RARA: variants seen among roughly 807,000 people sequenced by gnomAD.
The protein encoded by RARA is PML-DDX5-RARA fusion.
In RARA, 5 loss-of-function variants were observed where a neutral mutation model predicts 42.8. The ratio of observed to expected loss-of-function variants is 0.12; its 90% CI spans 0.06 to 0.25. The LOEUF is 0.25. Ranked by LOEUF, RARA falls within the 10% of genes least tolerant of loss-of-function variation. The probability of loss-of-function intolerance (pLI) is 1.00; values close to 1 mark genes in which losing one functional copy is unlikely to be tolerated. For synonymous variants in RARA, 256 were observed against 259.5 expected (o/e 0.99, Z 0.13); for missense variants, 402 against 628.7 (o/e 0.64, Z 3.86).
At position 40,356,611 on chromosome 17, in the gene RARA, C is replaced by T. The variant is rs1036098452; in HGVS notation, c.*385C>T. 2 of 554,198 alleles carry T rather than the reference C, an allele frequency of 3.6e-6. No individual in the cohort carries two copies. Among genetic ancestry groups the T allele is most frequent in the East Asian group, 3.8e-5 (1 of 26,374 alleles). 34.3% of individuals were successfully genotyped at this position (554,198 alleles called of 1,614,324 possible). A position where few individuals can be genotyped will look rare whatever the true frequency, so the allele number is the denominator to read the frequency against. The stretch of plus-strand genomic sequence containing the variant: ...TCCTCAGAACTCACAAGCCATTGCT[C>T]CCCAGCTGGGGAACCTCAACCTCCC... On this transcript the variant is annotated 3_prime_UTR_variant, in exon 9 of 9. Transcript: ENST00000254066.
chr17:40,355,958 G>A lies in RARA; in HGVS notation c.1172-51G>A, dbSNP rs781580390. ...TCGAGCCAGGCTTGCTGGGGCTGGG[G>A]GTGGGAGGGCTGGCCCAGCGTGCTG... On this transcript the variant is annotated intron_variant, in intron 8 of 8. Coordinates refer to ENST00000254066, the MANE Select transcript of RARA (RefSeq NM_000964.4). This position sits in a 1 kb window ranked among gnomAD's most constrained non-coding sequence, Gnocchi z 4.1. The A allele has an allele frequency of 6.7e-7, 1 of 1,500,236 alleles. No individual in the cohort carries two copies. Among genetic ancestry groups the A allele is most frequent in the Non-Finnish European group, 9.0e-7 (1 of 1,107,932 alleles). 92.9% of individuals were successfully genotyped at this position (1,500,236 alleles called of 1,614,324 possible).
At chr17:40,325,086 A>T (rs2033499028) in intron 1 of RARA, among the ~76,000 whole-genome samples, 1 of 151,740 alleles carries the variant, frequency 6.6e-6, no homozygotes, top group Non-Finnish European at 1.5e-5. Flanking sequence ...CCCCATCTCT[A>T]CTAAAAATAC....
chr17:40,325,440 G>C (rs1407502291), intron 1 of RARA, among the ~76,000 whole-genome samples: 1 of 152,132 alleles, frequency 6.6e-6, no homozygotes, highest in South Asian at 2.1e-4. Context: ...TTGAAAAAGC[G>C]GGGAGTAGTC....
In RARA at chr17:40,351,744, C is replaced by CTGGA. The variant is rs1011346469; in HGVS notation, c.470-165_470-162dup. On this transcript the variant is annotated intron_variant, in intron 4 of 8. Transcript: ENST00000254066. This position sits in a 1 kb window ranked among gnomAD's most constrained non-coding sequence, Gnocchi z 4.1. ...GTGTGGGTTGGGTGGGCATGGAGGG[C>CTGGA]TGGAGTGCGTGGCAATGCCTTGCCT... Among the ~76,000 whole-genome samples the CTGGA allele has an allele frequency of 6.6e-6, 1 of 152,076 alleles. No individual in the cohort carries two copies. The highest frequency in any genetic ancestry group is 1.5e-5 in the Non-Finnish European group (1 of 68,004).
Position 40,319,562 on chromosome 17 carries a change from C to T in RARA, c.-363+10276C>T, listed in dbSNP as rs904332075. ...CCCCTGCTGCTTACCCCAAGGATCA[C>T]TTCTGCCCCTGACACTCCCCCTCCT... On this transcript the variant is annotated intron_variant, in intron 1 of 8. Transcript: ENST00000254066. 7.0e-5 allele frequency among the ~76,000 whole-genome samples: 10 copies of T among 142,934 alleles called. No individual in the cohort carries two copies. The Admixed American group carries it at 7.1e-4, about 10-fold the overall frequency. The allele number at this position is 142,934 out of a possible 152,430, so 93.8% of individuals were successfully genotyped here. A position where few individuals can be genotyped will look rare whatever the true frequency, so the allele number is the denominator to read the frequency against.
Position 40,351,148 on chromosome 17 carries a change from C to G in RARA, c.470-762C>G, listed in dbSNP as rs548647740. Among the ~76,000 whole-genome samples, 1 of 151,810 alleles carries G rather than the reference C, an allele frequency of 6.6e-6. No individual in the cohort carries two copies. Among genetic ancestry groups the G allele is most frequent in the South Asian group, 2.1e-4 (1 of 4,806 alleles). ...CCCACTCTCCCTCTCCCTCTCCCTT[C>G]TCTCCCCTGCACTTTATTGAATTTG... is the stretch of plus-strand genomic sequence containing the variant. On this transcript the variant is annotated intron_variant, in intron 4 of 8. Transcript: ENST00000254066. This position sits in a 1 kb window ranked among gnomAD's most constrained non-coding sequence, Gnocchi z 4.1.
chr17:40,351,619 T>G lies in RARA; in HGVS notation c.470-291T>G, dbSNP rs1330745347. On this transcript the variant is annotated intron_variant, in intron 4 of 8. Transcript: ENST00000254066. The surrounding 1 kb of genome is among the most constrained non-coding windows in gnomAD (Gnocchi z 4.1). Reference sequence around the variant, plus strand: ...CCGTCGCCTGGAGTGTGAGCTGGAGTAGACGCGTGGGGGATAGCATGCGGC... The same window carrying G: ...CCGTCGCCTGGAGTGTGAGCTGGAGGAGACGCGTGGGGGATAGCATGCGGC... 2.0e-6 allele frequency: 1 copy of G among 502,994 alleles called. No individual in the cohort carries two copies. Among genetic ancestry groups the G allele is most frequent in the Non-Finnish European group, 3.8e-6 (1 of 266,390 alleles). 31.2% of individuals were successfully genotyped at this position (502,994 alleles called of 1,614,324 possible).
At chr17:40,318,479 C>T (rs902052872) in intron 1 of RARA, 30 of 152,424 alleles carry the variant, frequency 2.0e-4, no homozygotes, top group African/African-American at 7.0e-4. Flanking sequence ...TTTGGGGAGC[C>T]CCTGGTTCCC....
Position 40,352,258 on chromosome 17 carries a change from C to T in RARA, c.631-73C>T, listed in dbSNP as rs1373673888. The T allele has an allele frequency of 2.0e-6, 3 of 1,535,980 alleles. No homozygotes were observed. The highest frequency in any genetic ancestry group is 2.7e-5 in the African/African-American group (2 of 72,810). On this transcript the variant is annotated intron_variant, in intron 5 of 8. Coordinates refer to ENST00000254066, the MANE Select transcript of RARA (RefSeq NM_000964.4). The surrounding 1 kb of genome is among the most constrained non-coding windows in gnomAD (Gnocchi z 4.9). The stretch of plus-strand genomic sequence containing the variant: ...AAGTGAAGGCTGGGTAGAGGGCAGG[C>T]CTGTGGGGGCTGGAGCCAGGCTGAG...
At chr17:40,316,437 T>C (rs1356963735) in intron 1 of RARA, among the ~76,000 whole-genome samples, 1 of 152,260 alleles carries the variant, frequency 6.6e-6, no homozygotes, top group African/African-American at 2.4e-5. Context: ...GAAATGCATT[T>C]GTACCAGGAT....
chr17:40,311,292 T>C (rs1461942455), intron 1 of RARA, among the ~76,000 whole-genome samples: 1 of 152,038 alleles, frequency 6.6e-6, no homozygotes, highest in Non-Finnish European at 1.5e-5. Flanking sequence ...AGCACCACCT[T>C]GGGCCTGCTG....
chr17:40,321,828 C>T (rs190923866), intron 1 of RARA, among the ~76,000 whole-genome samples: 1 of 152,190 alleles, frequency 6.6e-6, no homozygotes, highest in Non-Finnish European at 1.5e-5. Flanking sequence ...ACTCCACCCC[C>T]CCAACTGGAT....
intron 2 of RARA, among the ~76,000 whole-genome samples, chr17:40,339,095 G>C (rs975169384): frequency 6.6e-6 from 1 of 152,198 alleles, no homozygotes; most frequent in African/African-American, 2.4e-5. Context: ...GTTAGGCCAC[G>C]GTCGCCTGCT....
At chr17:40,337,261 C>T (rs956459586) in intron 2 of RARA, among the ~76,000 whole-genome samples, 1 of 152,220 alleles carries the variant, frequency 6.6e-6, no homozygotes, top group Non-Finnish European at 1.5e-5. Context: ...GTGGGGCACA[C>T]TCTTGGGTGT....
chr17:40,326,845 A>T lies in RARA; in HGVS notation c.-362-4012A>T, dbSNP rs542521328. 7.5e-4 allele frequency among the ~76,000 whole-genome samples: 114 copies of T among 152,134 alleles called. No individual in the cohort carries two copies. The highest frequency in any genetic ancestry group is 2.6e-3 in the African/African-American group (109 of 41,470). ...GCCCAGGTGTCTCTCTGAGGGTCAT[A>T]GCTTCTGATGGACCTTCTGAGGCAG... On this transcript the variant is annotated intron_variant, in intron 1 of 8. Coordinates refer to ENST00000254066, the MANE Select transcript of RARA (RefSeq NM_000964.4). This position sits in a 1 kb window ranked among gnomAD's most constrained non-coding sequence, Gnocchi z 5.2.
rs1228931606 is a variant in RARA, at chr17:40,320,158, A to T, written c.-362-10699A>T. Among the ~76,000 whole-genome samples the T allele has an allele frequency of 6.6e-6, 1 of 152,088 alleles. No homozygotes were observed. Among genetic ancestry groups the T allele is most frequent in the Non-Finnish European group, 1.5e-5 (1 of 67,994 alleles). Reference sequence around the variant, plus strand: ...TCACCATCAGACTGGCGACGGTGGCACAGATGCAGTGGCAGTTCTGAGAAG... The same window carrying T: ...TCACCATCAGACTGGCGACGGTGGCTCAGATGCAGTGGCAGTTCTGAGAAG... On this transcript the variant is annotated intron_variant, in intron 1 of 8. Transcript: ENST00000254066. The surrounding 1 kb of genome is among the most constrained non-coding windows in gnomAD (Gnocchi z 4.1).
intron 2 of RARA, chr17:40,343,024 C>T (rs1355839932): frequency 2.9e-6 from 4 of 1,390,606 alleles, no homozygotes; most frequent in South Asian, 3.2e-5. Flanking sequence ...TGAACCCTCC[C>T]GGCCGCACCC....
rs2034580471 is a variant in RARA at position 40,355,241 on chromosome 17, G to C, written c.1013-22G>C. 1.3e-6 allele frequency: 2 copies of C among 1,551,182 alleles called. No homozygotes were observed. Among genetic ancestry groups the C allele is most frequent in the East Asian group, 4.9e-5 (2 of 41,100 alleles). On this transcript the variant is annotated intron_variant, in intron 7 of 8. Coordinates refer to ENST00000254066, the MANE Select transcript of RARA (RefSeq NM_000964.4). The surrounding 1 kb of genome is among the most constrained non-coding windows in gnomAD (Gnocchi z 4.1). ...GTGCAGCTGTGTTCCCAGCTGCTCAGGGGGTGGTTCTGCTTCCTCAGACCG... is the reference window on the plus strand; with the variant it reads ...GTGCAGCTGTGTTCCCAGCTGCTCACGGGGTGGTTCTGCTTCCTCAGACCG...
rs1567764385 is a variant in RARA, at chr17:40,352,607, A to G, written c.807+100A>G. 2.6e-6 allele frequency: 3 copies of G among 1,170,480 alleles called. No homozygotes were observed. The highest frequency in any genetic ancestry group is 3.5e-6 in the Non-Finnish European group (3 of 860,904). The allele number at this position is 1,170,480 out of a possible 1,614,324, so 72.5% of individuals were successfully genotyped here. A position where few individuals can be genotyped will look rare whatever the true frequency, so the allele number is the denominator to read the frequency against. On this transcript the variant is annotated intron_variant, in intron 6 of 8. Transcript: ENST00000254066. The surrounding 1 kb of genome is among the most constrained non-coding windows in gnomAD (Gnocchi z 4.9). ...CCTCCTAAATGTCTGTCTGCAATCA[A>G]CCTGTCCAAATGCCCACCGCCCAAA...
Sources: allele counts gnomAD v4.1 joint callset (sites outside exome capture counted in the v4.1 genomes callset), GRCh38; gene constraint gnomAD v4.1.1; non-coding constraint Gnocchi (gnomAD v3.1); transcripts MANE v1.5; gene names NCBI Gene and HGNC (gene_info 2026-07-23, HGNC 2026-07-21).